Variants in MEGF11 observed in about 807,000 individuals in gnomAD.
MEGF11 encodes the protein multiple EGF like domains 11, also known as multiple epidermal growth factor-like domains protein 11.
Under a neutral mutation model 146.6 loss-of-function variants are expected in MEGF11, and 126 were observed. That is an observed-to-expected ratio of 0.86 (90% CI 0.74 to 1.00). The LOEUF is 1.00. Ranked by LOEUF, MEGF11 falls within the 50% of genes least tolerant of loss-of-function variation. The probability of loss-of-function intolerance (pLI) is 0.00; values close to 1 mark genes in which losing one functional copy is unlikely to be tolerated. For synonymous variants in MEGF11, 532 were observed against 583.4 expected, an observed-to-expected ratio of 0.91 and a Z score of 1.27; for missense variants, 1,509 against 1,521.2, an observed-to-expected ratio of 0.99 and a Z score of 0.13.
Position 65,982,279 on chromosome 15 carries a change from CGGCGCGG to C in MEGF11, c.597_603del (p.Arg200AlafsTer85). On this transcript the variant is annotated frameshift_variant, in exon 6 of 26. Coordinates refer to ENST00000395614, the MANE Select transcript of MEGF11 (RefSeq NM_001385028.1). LOFTEE classifies it high-confidence loss of function. This position sits in a 1 kb window ranked among gnomAD's most constrained non-coding sequence, Gnocchi z 5.6. ...TAGCCAGGTGCGCAGAGGCACTCGCCGGCGCGGGGGTCGCAGCTGGCACCGTGTCGGC... is the reference window on the plus strand; with the variant it reads ...TAGCCAGGTGCGCAGAGGCACTCGCCGGGTCGCAGCTGGCACCGTGTCGGC... 1 of 1,540,904 alleles carries C rather than the reference CGGCGCGG, an allele frequency of 6.5e-7. No individual in the cohort carries two copies. The highest frequency in any genetic ancestry group is 8.7e-7 in the Non-Finnish European group (1 of 1,145,606).
At chr15:65,949,366 T>C (rs1249807601) in intron 10 of MEGF11, among the ~76,000 whole-genome samples, 1 of 152,200 alleles carries the variant, frequency 6.6e-6, no homozygotes, top group African/African-American at 2.4e-5. Context: ...CTGTATGACC[T>C]ACCAGTGGCA....
intron 1 of MEGF11, among the ~76,000 whole-genome samples, chr15:66,219,405 A>G (rs2091674490): frequency 6.6e-6 from 1 of 152,230 alleles, no homozygotes; most frequent in Admixed American, 6.5e-5. Flanking sequence ...AAACACTTGA[A>G]CTGACACTTC....
In MEGF11 at chr15:65,957,714, G is replaced by A. The variant is rs1166036984; in HGVS notation, c.1120C>T (p.Pro374Ser). Residue 374 changes from proline (P) to serine (S), a missense_variant, in exon 10 of 26, where the codon CCA (proline) becomes TCA (serine). By Grantham distance (74) the Pro-to-Ser change is moderately conservative (BLOSUM62 -1). Transcript: ENST00000395614. ...TGGCAGGTACAAGCTCCAGTTACTG[G>A]GTGGCAGCTGCACAGATGAGAGAAG... Reference protein sequence around the residue: ...CDADNTISCHPVTGACTCQPG... With the variant: ...CDADNTISCHSVTGACTCQPG... The A allele has an allele frequency of 6.2e-7, 1 of 1,613,702 alleles. No homozygotes were observed. Among genetic ancestry groups the A allele is most frequent in the Non-Finnish European group, 8.5e-7 (1 of 1,179,882 alleles).
chr15:66,091,850 G>A (rs774905772), intron 5 of MEGF11, among the ~76,000 whole-genome samples: 1 of 152,186 alleles, frequency 6.6e-6, no homozygotes, highest in Non-Finnish European at 1.5e-5. Flanking sequence ...AGGTAGTCCC[G>A]ATGACATCAG....
intron 5 of MEGF11, among the ~76,000 whole-genome samples, chr15:66,076,931 C>A (rs7166863): frequency 0.013 from 1,976 of 152,356 alleles, 39 homozygotes; most frequent in African/African-American, 0.045. Context: ...GCTCCAAGGG[C>A]AGATCAAAGC....
chr15:66,056,479 G>A (rs913707965), intron 5 of MEGF11, among the ~76,000 whole-genome samples: 2 of 152,130 alleles, frequency 1.3e-5, no homozygotes, highest in African/African-American at 2.4e-5. Context: ...ACATGAGCCC[G>A]ACATGTGGAC....
At position 66,200,789 on chromosome 15, in the gene MEGF11, G is replaced by A. The variant is rs191174120; in HGVS notation, c.-9+52816C>T. Among the ~76,000 whole-genome samples the A allele has an allele frequency of 2.7e-3, 407 of 152,228 alleles. 1 individual carries two copies. Among genetic ancestry groups the A allele is most frequent in the Non-Finnish European group, 4.2e-3 (286 of 68,012 alleles). On this transcript the variant is annotated intron_variant, in intron 1 of 25. Transcript: ENST00000395614. The stretch of plus-strand genomic sequence containing the variant: ...TCCAGCGGGGTGCAGAAGTGGGCCG[G>A]GTATGAGCAAGCTCACTCTGAGGTA...
chr15:66,061,055 C>G (rs1423850453), intron 5 of MEGF11, among the ~76,000 whole-genome samples: 1 of 152,134 alleles, frequency 6.6e-6, no homozygotes, highest in Non-Finnish European at 1.5e-5. Context: ...GATGGGGAGC[C>G]CAGTTAGGAG....
intron 1 of MEGF11, among the ~76,000 whole-genome samples, chr15:66,164,365 A>C (rs996813424): frequency 6.6e-6 from 1 of 152,038 alleles, no homozygotes; most frequent in Non-Finnish European, 1.5e-5. Flanking sequence ...GCTGCACGTG[A>C]GGGGCCTGCT....
At chr15:65,946,997 GAATATGA>G (rs764382374) in intron 10 of MEGF11, among the ~76,000 whole-genome samples, 21 of 152,116 alleles carry the variant, frequency 1.4e-4, no homozygotes, top group Non-Finnish European at 2.6e-4. Context: ...GGAGAAGCAA[GAATATGA>G]ATTTTTTAGT....
At chr15:65,955,794 A>ATG (rs1567175147) in intron 10 of MEGF11, among the ~76,000 whole-genome samples, 330 of 25,744 alleles carry the variant, frequency 0.013, 46 homozygotes, top group East Asian at 0.085. Flanking sequence ...ATATATATAT[A>ATG]CACACACACA....
chr15:65,929,649 C>T (rs185581446), intron 12 of MEGF11, 71 bp downstream of exon 12: 161 of 1,492,544 alleles, frequency 1.1e-4, no homozygotes, highest in African/African-American at 6.2e-4. Flanking sequence ...CTCTTGTGGA[C>T]GAACTAACAC....
intron 1 of MEGF11, among the ~76,000 whole-genome samples, chr15:66,182,910 T>A (rs939236697): frequency 6.6e-6 from 1 of 152,132 alleles, no homozygotes. Flanking sequence ...CATCTTTAGG[T>A]GTCCCTCACC....
intron 1 of MEGF11, among the ~76,000 whole-genome samples, chr15:66,175,976 C>T (rs1258930609): frequency 1.3e-5 from 2 of 152,058 alleles, no homozygotes; most frequent in Non-Finnish European, 1.5e-5. Flanking sequence ...ACAACAAAAA[C>T]ACATAATCCC....
intron 1 of MEGF11, among the ~76,000 whole-genome samples, chr15:66,183,043 CT>C (rs2090595129): frequency 1.3e-5 from 2 of 152,276 alleles, no homozygotes; most frequent in South Asian, 2.1e-4. Flanking sequence ...GTGAGAAAAG[CT>C]GAAATGGAAG....
intron 4 of MEGF11, among the ~76,000 whole-genome samples, chr15:66,116,458 C>T (rs186925952): frequency 2.7e-4 from 41 of 152,300 alleles, no homozygotes; most frequent in Admixed American, 2.5e-3. Flanking sequence ...TAAGTCCCCT[C>T]CTTTGACTAG....
At chr15:65,961,070 A>G (rs2080841368) in intron 9 of MEGF11, among the ~76,000 whole-genome samples, 2 of 152,120 alleles carry the variant, frequency 1.3e-5, no homozygotes, top group Non-Finnish European at 2.9e-5. Context: ...GAGGATGGAG[A>G]GTGACAGCTG....
intron 1 of MEGF11, among the ~76,000 whole-genome samples, chr15:66,247,699 G>A (rs2092314219): frequency 6.6e-6 from 1 of 152,068 alleles, no homozygotes; most frequent in Non-Finnish European, 1.5e-5. Flanking sequence ...TATGATAGCA[G>A]CACTGCACTC....
At chr15:66,029,733 TGCCTTCCTCTCTCCCTCCCAG>T (rs372826922) in intron 5 of MEGF11, among the ~76,000 whole-genome samples, 1,898 of 152,284 alleles carry the variant, frequency 0.012, 45 homozygotes, top group African/African-American at 0.043. Flanking sequence ...GGGACCTCTG[TGCCTTCCTCTCTCCCTCCCAG>T]GCCTTCCTCT....
Sources: allele counts gnomAD v4.1 joint callset (sites outside exome capture counted in the v4.1 genomes callset), GRCh38; gene constraint gnomAD v4.1.1; non-coding constraint Gnocchi (gnomAD v3.1); transcripts MANE v1.5; gene names NCBI Gene and HGNC (gene_info 2026-07-23, HGNC 2026-07-21).